Variants in SH2D4B observed in about 807,000 individuals in gnomAD.
SH2D4B encodes SH2 domain containing 4B, also known as SH2 domain-containing protein 4B.
Under a neutral mutation model 61.5 loss-of-function variants are expected in SH2D4B, and 45 were observed. The ratio of observed to expected loss-of-function variants is 0.73; its 90% CI spans 0.58 to 0.94. The LOEUF is 0.94. SH2D4B is among the 40% of genes least tolerant of loss of function. The pLI, the probability that SH2D4B is intolerant of heterozygous loss-of-function variation, is 0.00. For missense variants in SH2D4B, 572 were observed against 574.2 expected, an observed-to-expected ratio of 1.00 and a Z score of 0.04; for synonymous variants, 224 against 220.4, an observed-to-expected ratio of 1.02 and a Z score of -0.14.
At chr10:80,638,969 G>A (rs957291505) in intron 7 of SH2D4B, among the ~76,000 whole-genome samples, 21 of 152,202 alleles carry the variant, frequency 1.4e-4, no homozygotes, top group Non-Finnish European at 2.8e-4. Flanking sequence ...GTGTCCCAGA[G>A]ATTCTGGTAC....
intron 5 of SH2D4B, among the ~76,000 whole-genome samples, 188 bp from the exon 6 acceptor site, chr10:80,609,236 T>A (rs1288776712): frequency 1.3e-5 from 2 of 152,174 alleles, no homozygotes; most frequent in East Asian, 3.8e-4. Flanking sequence ...TTTGTAGGCA[T>A]GGATATGGGC....
intron 6 of SH2D4B, among the ~76,000 whole-genome samples, chr10:80,611,157 C>A (rs1209268128): frequency 8.6e-6 from 1 of 116,388 alleles, no homozygotes. Flanking sequence ...CCTGGGCAAC[C>A]AGAGCGAGAC....
intron 1 of SH2D4B, among the ~76,000 whole-genome samples, chr10:80,551,370 T>A (rs1455327424): frequency 1.3e-5 from 2 of 152,114 alleles, no homozygotes; most frequent in Non-Finnish European, 2.9e-5. Flanking sequence ...ACTTGATTTT[T>A]AAAAATCTTA....
At chr10:80,635,732 C>T (rs1156900681) in intron 7 of SH2D4B, among the ~76,000 whole-genome samples, 1 of 152,158 alleles carries the variant, frequency 6.6e-6, no homozygotes, top group Non-Finnish European at 1.5e-5. Context: ...TATTGCTCTA[C>T]ATCCATGCTC....
chr10:80,546,551 A>C (rs1841683645), intron 1 of SH2D4B, among the ~76,000 whole-genome samples: 1 of 136,106 alleles, frequency 7.3e-6, no homozygotes, highest in Non-Finnish European at 1.5e-5. Flanking sequence ...TTTGATACGG[A>C]GTCTCACTCT....
At chr10:80,583,017 C>T (rs1293486055) in intron 3 of SH2D4B, among the ~76,000 whole-genome samples, 1 of 152,226 alleles carries the variant, frequency 6.6e-6, no homozygotes, top group African/African-American at 2.4e-5. Context: ...AGCATGCTCT[C>T]TGAGTTTCCT....
chr10:80,597,028 A>G (rs529888201), intron 4 of SH2D4B, among the ~76,000 whole-genome samples: 6 of 152,402 alleles, frequency 3.9e-5, no homozygotes, highest in African/African-American at 1.4e-4. Flanking sequence ...GCAACTATTT[A>G]CATAGCATTC....
At position 80,645,029 on chromosome 10, in the gene SH2D4B, A is replaced by T. The variant is rs562770013; in HGVS notation, c.*944A>T. On this transcript the variant is annotated 3_prime_UTR_variant, in exon 8 of 8. Transcript: ENST00000646907. ...TCAGTGATGGTATCTGTTGGTGCATACTTGTGTTCCACAGTTATGGCCATA... is the reference window on the plus strand; with the variant it reads ...TCAGTGATGGTATCTGTTGGTGCATTCTTGTGTTCCACAGTTATGGCCATA... 1 of 152,320 alleles carries T rather than the reference A, an allele frequency of 6.6e-6. No homozygotes were observed. Among genetic ancestry groups the T allele is most frequent in the East Asian group, 1.9e-4 (1 of 5,182 alleles). 9.4% of individuals were successfully genotyped at this position (152,320 alleles called of 1,614,324 possible). A position where few individuals can be genotyped will look rare whatever the true frequency, so the allele number is the denominator to read the frequency against.
At chr10:80,549,992 T>C (rs543691534) in intron 1 of SH2D4B, among the ~76,000 whole-genome samples, 2 of 150,964 alleles carry the variant, frequency 1.3e-5, no homozygotes, top group East Asian at 3.9e-4. Flanking sequence ...TAACAATTAA[T>C]AATTAATTGT....
chr10:80,543,741 C>G (rs1332743188), intron 1 of SH2D4B, among the ~76,000 whole-genome samples: 1 of 152,184 alleles, frequency 6.6e-6, no homozygotes, highest in Non-Finnish European at 1.5e-5. Flanking sequence ...CACCAATCGG[C>G]ACTCTGTATC....
intron 3 of SH2D4B, among the ~76,000 whole-genome samples, chr10:80,575,436 A>G (rs1022984198): frequency 6.6e-6 from 1 of 152,076 alleles, no homozygotes; most frequent in Non-Finnish European, 1.5e-5. Flanking sequence ...CTGCTGCTGT[A>G]GCACAATAGC....
chr10:80,576,914 C>T (rs1375518387), intron 3 of SH2D4B, among the ~76,000 whole-genome samples: 1 of 152,140 alleles, frequency 6.6e-6, no homozygotes. Context: ...ATTACAGGTG[C>T]ACACCACCAC....
At chr10:80,575,065 A>G (rs1186303034) in intron 3 of SH2D4B, among the ~76,000 whole-genome samples, 1 of 151,242 alleles carries the variant, frequency 6.6e-6, no homozygotes, top group Non-Finnish European at 1.5e-5. Flanking sequence ...TGTACCCTCC[A>G]CACATTTTAT....
intron 4 of SH2D4B, among the ~76,000 whole-genome samples, chr10:80,602,886 CG>C (rs1564780512): frequency 6.6e-6 from 1 of 152,086 alleles, no homozygotes; most frequent in Admixed American, 6.5e-5. Flanking sequence ...GGTGGGACCA[CG>C]GGGTGGAAAG....
In SH2D4B at chr10:80,543,596, C is replaced by T. The variant is rs187273361; in HGVS notation, c.184+5081C>T. Among the ~76,000 whole-genome samples, 1,401 of 152,336 alleles carry T rather than the reference C, an allele frequency of 9.2e-3. 17 individuals are homozygous for T. Among genetic ancestry groups the T allele is most frequent in the African/African-American group, 0.033 (1,352 of 41,584 alleles). On this transcript the variant is annotated intron_variant, in intron 1 of 7. Transcript: ENST00000646907. ...TCTACCACTCAAGGGCTGAGGAGTG[C>T]GGGCGCACCGCGCGGGACTGGCAGG...
intron 1 of SH2D4B, among the ~76,000 whole-genome samples, chr10:80,560,266 C>A (rs560934455): frequency 1.3e-5 from 2 of 151,904 alleles, no homozygotes; most frequent in Non-Finnish European, 2.9e-5. Context: ...GGATTACAGG[C>A]GTGAGCCACC....
intron 6 of SH2D4B, among the ~76,000 whole-genome samples, chr10:80,620,131 T>C (rs1842702395): frequency 6.6e-6 from 1 of 152,202 alleles, no homozygotes; most frequent in Non-Finnish European, 1.5e-5. Context: ...GCTGATATGG[T>C]TGGGCTCTGT....
intron 6 of SH2D4B, among the ~76,000 whole-genome samples, chr10:80,629,998 C>T (rs2138286): frequency 0.27 from 40,570 of 151,948 alleles, 5,685 homozygotes; most frequent in Admixed American, 0.33. Flanking sequence ...AAGCAGAAGA[C>T]GAAAGACTGA....
intron 6 of SH2D4B, among the ~76,000 whole-genome samples, chr10:80,627,492 G>A (rs1280316839): frequency 1.3e-5 from 2 of 151,866 alleles, no homozygotes; most frequent in East Asian, 1.9e-4. Context: ...GCCCCCTCTT[G>A]TCCCTTTCTG....
Sources: gnomAD v4.1 joint callset for allele counts (sites outside exome capture counted in the v4.1 genomes callset) on GRCh38, gnomAD v4.1.1 for gene constraint, MANE v1.5 for transcripts, NCBI Gene and HGNC (gene_info 2026-07-23, HGNC 2026-07-21) for gene names.